Variants in WRNIP1 observed in about 807,000 individuals in gnomAD.
WRNIP1 encodes the protein ATPase WRNIP1.
WRNIP1 carries 41 observed loss-of-function variants against 56.1 expected under a neutral mutation model. The observed-to-expected ratio is 0.73, with a 90% confidence interval of 0.57 to 0.95. The LOEUF is 0.95. Ranked by LOEUF, WRNIP1 falls within the 40% of genes least tolerant of loss-of-function variation. WRNIP1 has a pLI of 0.00. For synonymous variants in WRNIP1, 547 were observed against 398.1 expected (o/e 1.37, Z -4.45); for missense variants, 1,170 against 939.4 (o/e 1.25, Z -3.21).
intron 3 of WRNIP1, among the ~76,000 whole-genome samples, chr6:2,776,820 G>T (rs929572619): frequency 6.6e-6 from 1 of 152,148 alleles, no homozygotes; most frequent in African/African-American, 2.4e-5. Flanking sequence ...ACATACAAAA[G>T]ACAAATTCAT....
chr6:2,773,538 T>C, intron 3 of WRNIP1: 2 of 985,426 alleles, frequency 2.0e-6, no homozygotes, highest in South Asian at 4.7e-5. Flanking sequence ...TCAGGTATTT[T>C]GCTCTCCCAA....
chr6:2,785,458 T>C lies in WRNIP1; in HGVS notation c.*176T>C, dbSNP rs1765687890. 1.5e-6 allele frequency: 1 copy of C among 681,946 alleles called. No homozygotes were observed. Among genetic ancestry groups the C allele is most frequent in the Non-Finnish European group, 2.4e-6 (1 of 412,590 alleles). 42.2% of individuals were successfully genotyped at this position (681,946 alleles called of 1,614,324 possible). ...GTTCTTTCGAATAAATGTGTAACTT[T>C]GAAATTGTGTTCATTTGCACTCGGT... is the stretch of plus-strand genomic sequence containing the variant. On this transcript the variant is annotated 3_prime_UTR_variant, in exon 7 of 7. Coordinates refer to ENST00000380773, the MANE Select transcript of WRNIP1 (RefSeq NM_020135.3).
chr6:2,776,761 A>G (rs160697), intron 3 of WRNIP1, among the ~76,000 whole-genome samples: 60,003 of 152,020 alleles, frequency 0.39, 12,205 homozygotes, highest in South Asian at 0.49. Flanking sequence ...CATGGTATAT[A>G]AGGCTGCCCA....
Position 2,766,178 on chromosome 6 carries a change from C to T in WRNIP1, c.556C>T (p.Pro186Ser), listed in dbSNP as rs1442450424. The change falls in exon 1 of 7, where the codon CCG becomes TCG. Residue 186 changes from proline (P) to serine (S), a missense_variant. Pro to Ser is a moderately conservative substitution (Grantham distance 74, BLOSUM62 -1). Coordinates refer to ENST00000380773, the MANE Select transcript of WRNIP1 (RefSeq NM_020135.3). ...CGCGGACGCGGACGGCGAGGACGACCCGGGGCACTGGGACGCGGACGCTGC... is the reference window on the plus strand; with the variant it reads ...CGCGGACGCGGACGGCGAGGACGACTCGGGGCACTGGGACGCGGACGCTGC... The part of the protein sequence containing the change: ...GDADADGEDD[P>S]GHWDADAAEA... 6.6e-6 allele frequency: 9 copies of T among 1,370,960 alleles called. No homozygotes were observed. The highest frequency in any genetic ancestry group is 3.0e-5 in the East Asian group (1 of 32,966). 84.9% of individuals were successfully genotyped at this position (1,370,960 alleles called of 1,614,324 possible).
At chr6:2,783,630 G>A (rs1765630716) in intron 5 of WRNIP1, 69 bp downstream of exon 5, 2 of 281,490 alleles carry the variant, frequency 7.1e-6, no homozygotes, top group Middle Eastern at 7.8e-4. Context: ...CAGTTACATC[G>A]TGGCTTTTTT....
intron 6 of WRNIP1, among the ~76,000 whole-genome samples, chr6:2,784,727 CTT>C (rs1312282770): frequency 6.6e-6 from 1 of 151,976 alleles, no homozygotes; most frequent in Non-Finnish European, 1.5e-5. Context: ...ATATTCATCT[CTT>C]TTATATATTG....
At position 2,766,003 on chromosome 6, in the gene WRNIP1, G is replaced by C. The variant is rs981567013; in HGVS notation, c.381G>C (p.Pro127=). 2 of 1,359,942 alleles carry C rather than the reference G, an allele frequency of 1.5e-6. No individual in the cohort carries two copies. Among genetic ancestry groups the C allele is most frequent in the Non-Finnish European group, 1.9e-6 (2 of 1,054,486 alleles). The allele number at this position is 1,359,942 out of a possible 1,614,324, so 84.2% of individuals were successfully genotyped here. ...PSGARLIPDF[P]VARSSSPGRK... is the part of the protein sequence containing the mutation. ...GCGCCCGCCTTATCCCCGACTTCCC[G>C]GTGGCCCGCTCCAGCAGCCCCGGGA... The change falls in exon 1 of 7, where the codon CCG becomes CCC. Residue 127 remains proline, a synonymous_variant. Transcript: ENST00000380773.
At position 2,766,460 on chromosome 6, in the gene WRNIP1, G is replaced by A; in HGVS notation, c.822+16G>A. On this transcript the variant is annotated intron_variant, in intron 1 of 6. Transcript: ENST00000380773. ...CTGCGGCAAGGTGAGTGCGGCCTTG[G>A]CCGTTGGGCTTCCGTAGTTATCTCG... is the stretch of plus-strand genomic sequence containing the variant. 1 of 1,504,106 alleles carries A rather than the reference G, an allele frequency of 6.6e-7. No homozygotes were observed. The highest frequency in any genetic ancestry group is 9.0e-7 in the Non-Finnish European group (1 of 1,114,262). 93.2% of individuals were successfully genotyped at this position (1,504,106 alleles called of 1,614,324 possible).
At chr6:2,784,207 T>G (rs1765652407) in intron 5 of WRNIP1, 117 bp from the exon 6 acceptor site, 1 of 829,120 alleles carries the variant, frequency 1.2e-6, no homozygotes, top group South Asian at 1.8e-5. Context: ...TTTTGCTACA[T>G]GGGATTGTTT....
chr6:2,784,337 G>C lies in WRNIP1; in HGVS notation c.1656G>C (p.Pro552=), dbSNP rs160703. 3.3e-5 allele frequency: 54 copies of C among 1,613,240 alleles called. 1 individual carries two copies. The Middle Eastern group carries it at 4.9e-4, about 15-fold the overall frequency. ...FASEDIGLAD[P]SALTQAVAAY... is the part of the protein sequence containing the mutation. Reference sequence around the variant, plus strand: ...TGTGTGTGGCAGGTCTGGCAGACCCGTCTGCGTTAACACAAGCGGTTGCTG... The same window carrying C: ...TGTGTGTGGCAGGTCTGGCAGACCCCTCTGCGTTAACACAAGCGGTTGCTG... Residue 552 remains proline, a synonymous_variant, in exon 6 of 7, where the codon CCG becomes CCC. Transcript: ENST00000380773.
chr6:2,783,396 G>C lies in WRNIP1; in HGVS notation c.1487-10G>C, dbSNP rs1442386954. On this transcript the variant is annotated splice_polypyrimidine_tract_variant and intron_variant, in intron 4 of 6. Transcript: ENST00000380773. ...GAGCTCTGTGTGAGTGGTGCTCTTT[G>C]TGATGTCAGGTGAGGAGCATTACAA... The C allele has an allele frequency of 6.3e-7, 1 of 1,578,206 alleles. No individual in the cohort carries two copies.
chr6:2,772,922 T>TA (rs1765341400), intron 3 of WRNIP1: 4 of 968,718 alleles, frequency 4.1e-6, no homozygotes, highest in Non-Finnish European at 3.7e-6. Context: ...CCCATATACT[T>TA]ACTTTCTCTC....
At chr6:2,769,996 C>T (rs1466494351) in intron 2 of WRNIP1, 124 bp from the exon 3 acceptor site, 1 of 1,373,602 alleles carries the variant, frequency 7.3e-7, no homozygotes, top group Non-Finnish European at 1.0e-6. Flanking sequence ...TATAAGGCTG[C>T]TGCTATTCCT....
At chr6:2,778,350 C>A (rs1385023032) in intron 3 of WRNIP1, among the ~76,000 whole-genome samples, 1 of 152,192 alleles carries the variant, frequency 6.6e-6, no homozygotes. Context: ...GTGCAGCTAG[C>A]AGCTCAGCCA....
chr6:2,777,844 A>G (rs182462827), intron 3 of WRNIP1, among the ~76,000 whole-genome samples: 1 of 152,094 alleles, frequency 6.6e-6, no homozygotes, highest in East Asian at 1.9e-4. Context: ...TACCATCAGG[A>G]GAGAGGAAGA....
rs1312534673 is a variant in WRNIP1, at chr6:2,766,127, G to T, written c.505G>T (p.Val169Leu). 3.0e-6 allele frequency: 4 copies of T among 1,325,068 alleles called. No homozygotes were observed. The Admixed American group carries it at 1.2e-4, about 40-fold the overall frequency. The allele number at this position is 1,325,068 out of a possible 1,614,324, so 82.1% of individuals were successfully genotyped here. A position where few individuals can be genotyped will look rare whatever the true frequency, so the allele number is the denominator to read the frequency against. Residue 169 changes from valine to leucine, a missense_variant, in exon 1 of 7, where the codon GTG (valine) becomes TTG (leucine). By Grantham distance (32) the Val-to-Leu change is conservative. Transcript: ENST00000380773. ...EAEAQEEEEA[V>L]GDGDGDGDAD... The stretch of plus-strand genomic sequence containing the variant: ...GGAGGCGCAGGAGGAGGAGGAGGCC[G>T]TGGGCGACGGCGATGGCGACGGGGA...
Position 2,768,753 on chromosome 6 carries a change from A to C in WRNIP1, c.885A>C (p.Leu295Phe), listed in dbSNP as rs1224731577. The change falls in exon 2 of 7, where the codon TTA becomes TTC. Residue 295 changes from leucine (L) to phenylalanine (F), a missense_variant. Leu to Phe is a conservative substitution (Grantham distance 22, BLOSUM62 0). Coordinates refer to ENST00000380773, the MANE Select transcript of WRNIP1 (RefSeq NM_020135.3). ...SKKHSIRFVT[L>F]SATNAKTNDV... ...AACATAGCATAAGGTTTGTGACATT[A>C]TCTGCAACAAATGCCAAGACAAATG... 1 of 1,613,990 alleles carries C rather than the reference A, an allele frequency of 6.2e-7. No homozygotes were observed. The highest frequency in any genetic ancestry group is 8.5e-7 in the Non-Finnish European group (1 of 1,179,982).
chr6:2,776,676 C>T (rs1765440096), intron 3 of WRNIP1, among the ~76,000 whole-genome samples: 1 of 152,184 alleles, frequency 6.6e-6, no homozygotes, highest in Admixed American at 6.5e-5. Flanking sequence ...TGGCTTCTGT[C>T]CTAATTAATA....
intron 3 of WRNIP1, 82 bp downstream of exon 3, chr6:2,770,443 CAGTG>C: frequency 6.4e-7 from 1 of 1,566,920 alleles, no homozygotes. Context: ...GGCCGGGCGT[CAGTG>C]AGGAGAGGGT....
Sources: gnomAD v4.1 joint callset for allele counts (sites outside exome capture counted in the v4.1 genomes callset) on GRCh38, gnomAD v4.1.1 for gene constraint, MANE v1.5 for transcripts, NCBI Gene and HGNC (gene_info 2026-07-23, HGNC 2026-07-21) for gene names.